Variants in SLC24A3 observed in about 807,000 individuals in gnomAD.
SLC24A3 encodes sodium/potassium/calcium exchanger 3.
In SLC24A3, 28 loss-of-function variants were observed where a neutral mutation model predicts 75.8. The ratio of observed to expected loss-of-function variants is 0.37; its 90% confidence interval spans 0.27 to 0.51. SLC24A3 has a LOEUF of 0.51. Among genes scored for constraint, SLC24A3 ranks in the 20% least tolerant of loss-of-function variants. The pLI, the probability that SLC24A3 is intolerant of heterozygous loss-of-function variation, is 0.94. For synonymous variants in SLC24A3, 372 were observed against 334.1 expected (o/e 1.11, Z -1.24); for missense variants, 663 against 847.8 (o/e 0.78, Z 2.71).
chr20:19,429,106 C>G (rs1987059963), intron 2 of SLC24A3, among the ~76,000 whole-genome samples: 1 of 152,200 alleles, frequency 6.6e-6, no homozygotes, highest in East Asian at 1.9e-4. Context: ...CAGCCAGAAA[C>G]TTTCATTTCT....
At chr20:19,613,873 G>T (rs1568673084) in intron 6 of SLC24A3, among the ~76,000 whole-genome samples, 1 of 152,214 alleles carries the variant, frequency 6.6e-6, no homozygotes, top group African/African-American at 2.4e-5. Flanking sequence ...AACAGCTCCA[G>T]TCTCCATGTA....
intron 6 of SLC24A3, among the ~76,000 whole-genome samples, chr20:19,637,581 G>A (rs1009870293): frequency 3.9e-5 from 6 of 152,218 alleles, no homozygotes; most frequent in East Asian, 3.9e-4. Context: ...AGCAATATTC[G>A]CGTACTGGTA....
intron 2 of SLC24A3, among the ~76,000 whole-genome samples, chr20:19,370,518 A>AT (rs1227966747): frequency 1.3e-5 from 2 of 152,252 alleles, no homozygotes; most frequent in East Asian, 3.9e-4. Flanking sequence ...TCATGGTCCT[A>AT]TGGCTTGAAG....
intron 3 of SLC24A3, among the ~76,000 whole-genome samples, chr20:19,574,370 A>G (rs2031098959): frequency 6.6e-6 from 1 of 152,206 alleles, no homozygotes; most frequent in Non-Finnish European, 1.5e-5. Context: ...GGACACTATC[A>G]ACATACTGAC....
chr20:19,590,892 C>T (rs1197421316), intron 6 of SLC24A3, among the ~76,000 whole-genome samples: 1 of 152,196 alleles, frequency 6.6e-6, no homozygotes. Context: ...CTAGACCAAG[C>T]GTGGCCCTGG....
chr20:19,668,305 T>G (rs960358856), intron 8 of SLC24A3, among the ~76,000 whole-genome samples: 1 of 152,264 alleles, frequency 6.6e-6, no homozygotes, highest in African/African-American at 2.4e-5. Flanking sequence ...AATTTTTTAC[T>G]GTTCACTTCT....
At chr20:19,451,871 T>C (rs890445959) in intron 2 of SLC24A3, among the ~76,000 whole-genome samples, 3 of 152,232 alleles carry the variant, frequency 2.0e-5, no homozygotes, top group Non-Finnish European at 4.4e-5. Flanking sequence ...TCTCTGTTTT[T>C]TTCCCCTAGC....
At chr20:19,541,734 G>GA (rs1032135401) in intron 3 of SLC24A3, among the ~76,000 whole-genome samples, 3 of 152,158 alleles carry the variant, frequency 2.0e-5, no homozygotes, top group Non-Finnish European at 4.4e-5. Context: ...GCACTATTTT[G>GA]AAAAAAGTCA....
At chr20:19,371,404 T>A (rs769650929) in intron 2 of SLC24A3, among the ~76,000 whole-genome samples, 1 of 152,148 alleles carries the variant, frequency 6.6e-6, no homozygotes, top group Non-Finnish European at 1.5e-5. Flanking sequence ...GTGTAGGCCC[T>A]GTGGTGTGGA....
intron 2 of SLC24A3, among the ~76,000 whole-genome samples, chr20:19,285,705 ATT>A (rs10712128): frequency 3.2e-4 from 47 of 147,056 alleles, no homozygotes; most frequent in Middle Eastern, 3.5e-3. Flanking sequence ...GCCTGGAAAC[ATT>A]TTTTTTTTTT....
intron 6 of SLC24A3, among the ~76,000 whole-genome samples, chr20:19,596,207 C>T (rs1177601135): frequency 2.6e-5 from 4 of 152,032 alleles, no homozygotes; most frequent in East Asian, 1.9e-4. Context: ...TGATGGTGGC[C>T]GGGAGACCAG....
intron 2 of SLC24A3, among the ~76,000 whole-genome samples, chr20:19,460,782 T>G (rs536370416): frequency 1.3e-4 from 20 of 152,210 alleles, no homozygotes; most frequent in Non-Finnish European, 2.6e-4. Flanking sequence ...TTCTTTTACC[T>G]ACTTTCCCTC....
At chr20:19,568,761 A>C (rs2031002299) in intron 3 of SLC24A3, among the ~76,000 whole-genome samples, 1 of 152,220 alleles carries the variant, frequency 6.6e-6, no homozygotes. Context: ...TGTTATGCCT[A>C]TTTTACCACA....
chr20:19,661,003 TCTC>T (rs1261767677), intron 7 of SLC24A3, among the ~76,000 whole-genome samples: 1 of 152,092 alleles, frequency 6.6e-6, no homozygotes, highest in Non-Finnish European at 1.5e-5. Flanking sequence ...CCGGTTACAC[TCTC>T]ATTTGCTGCT....
intron 14 of SLC24A3, among the ~76,000 whole-genome samples, chr20:19,697,784 C>T (rs759307801): frequency 5.3e-5 from 8 of 152,144 alleles, no homozygotes; most frequent in Non-Finnish European, 1.0e-4. Context: ...CAGTACAGGG[C>T]AGTTGGAAGA....
intron 3 of SLC24A3, among the ~76,000 whole-genome samples, chr20:19,554,590 C>T (rs569384423): frequency 7.2e-5 from 11 of 152,266 alleles, no homozygotes; most frequent in East Asian, 3.9e-4. Context: ...GTCTGTTTGA[C>T]GGAGTTGTTG....
chr20:19,308,057 C>G (rs1330146975), intron 2 of SLC24A3, among the ~76,000 whole-genome samples: 1 of 152,180 alleles, frequency 6.6e-6, no homozygotes, highest in Admixed American at 6.5e-5. Context: ...ACACAGAAGT[C>G]CCCTCCACCA....
intron 2 of SLC24A3, among the ~76,000 whole-genome samples, chr20:19,448,825 C>G (rs1987432878): frequency 6.6e-6 from 1 of 152,226 alleles, no homozygotes; most frequent in Non-Finnish European, 1.5e-5. Context: ...TTAGCACAGT[C>G]CTGGCCCCTA....
chr20:19,713,026 G>C (rs2033007081), intron 15 of SLC24A3, among the ~76,000 whole-genome samples: 1 of 152,230 alleles, frequency 6.6e-6, no homozygotes, highest in African/African-American at 2.4e-5. Flanking sequence ...CCATGGTAGA[G>C]TTTGAGTTAC....
Sources: gnomAD v4.1 joint callset for allele counts (sites outside exome capture counted in the v4.1 genomes callset) on GRCh38, gnomAD v4.1.1 for gene constraint, MANE v1.5 for transcripts, NCBI Gene and HGNC (gene_info 2026-07-23, HGNC 2026-07-21) for gene names.